Variants in NXPE2 observed in about 807,000 individuals in gnomAD.
NXPE2 encodes NXPE family member 2.
In NXPE2, 34 loss-of-function variants were observed where a neutral mutation model predicts 34.4. The ratio of observed to expected loss-of-function variants is 0.99; its 90% CI spans 0.75 to 1.31. The LOEUF is 1.31. Among genes scored for constraint, NXPE2 ranks in the 40% most tolerant of loss-of-function variants. The pLI is 0.00. For missense variants in NXPE2, 649 were observed against 672.5 expected, an observed-to-expected ratio of 0.97 and a Z score of 0.39; for synonymous variants, 235 against 231.3, an observed-to-expected ratio of 1.02 and a Z score of -0.15.
At chr11:114,520,653 G>A in the NXPE2 span, among the ~76,000 whole-genome samples, 1 of 152,114 alleles carries the variant, frequency 6.6e-6, no homozygotes, top group Non-Finnish European at 1.5e-5. Context: ...GGGTCATATG[G>A]TAGTTCTGTT....
the NXPE2 span, among the ~76,000 whole-genome samples, chr11:114,475,260 T>TTC: frequency 1.9e-5 from 2 of 102,756 alleles, no homozygotes; most frequent in African/African-American, 8.3e-5. Flanking sequence ...TTTTTTTTTT[T>TTC]TGAGATGGAG....
chr11:114,714,002 C>A, the NXPE2 span, among the ~76,000 whole-genome samples: 2 of 152,366 alleles, frequency 1.3e-5, no homozygotes, highest in Non-Finnish European at 2.9e-5. Flanking sequence ...GCATATAAAT[C>A]ATTTCCATCT....
chr11:114,538,793 G>T, the NXPE2 span, among the ~76,000 whole-genome samples: 1 of 152,086 alleles, frequency 6.6e-6, no homozygotes, highest in African/African-American at 2.4e-5. Context: ...AACAGGTGCT[G>T]GAGAGGATGT....
At chr11:114,718,539 A>G in the NXPE2 span, among the ~76,000 whole-genome samples, 1 of 152,194 alleles carries the variant, frequency 6.6e-6, no homozygotes, top group Non-Finnish European at 1.5e-5. Context: ...AATTCATTGC[A>G]ACTAAATATT....
At chr11:114,719,934 C>T in the NXPE2 span, among the ~76,000 whole-genome samples, 2 of 152,208 alleles carry the variant, frequency 1.3e-5, no homozygotes, top group South Asian at 4.1e-4. Flanking sequence ...TCTTTCAAAC[C>T]CAGCTCAAGT....
chr11:114,476,384 C>G, the NXPE2 span, among the ~76,000 whole-genome samples: 1 of 152,142 alleles, frequency 6.6e-6, no homozygotes, highest in Admixed American at 6.5e-5. Context: ...TACCTTTGTT[C>G]CTCTCTCCAC....
chr11:114,630,446 G>A, the NXPE2 span, among the ~76,000 whole-genome samples: 1 of 151,712 alleles, frequency 6.6e-6, no homozygotes, highest in Admixed American at 6.6e-5. Context: ...TTAATAAATG[G>A]TGCTGGGAAA....
intron 3 of NXPE2, among the ~76,000 whole-genome samples, chr11:114,703,099 G>T (rs1453763739): frequency 1.3e-5 from 2 of 152,134 alleles, no homozygotes; most frequent in African/African-American, 4.8e-5. Context: ...ATATTGACTT[G>T]ATTCCTATCT....
the NXPE2 span, chr11:114,583,486 C>A: frequency 3.1e-6 from 2 of 640,048 alleles, no homozygotes. Context: ...TCTTGTGCTC[C>A]ATCTATCCAG....
the NXPE2 span, among the ~76,000 whole-genome samples, chr11:114,656,721 A>G: frequency 6.6e-6 from 1 of 152,170 alleles, no homozygotes; most frequent in Non-Finnish European, 1.5e-5. Flanking sequence ...TCATGAAATT[A>G]ATTATATGAA....
At chr11:114,536,690 G>A in the NXPE2 span, among the ~76,000 whole-genome samples, 2 of 152,120 alleles carry the variant, frequency 1.3e-5, no homozygotes, top group South Asian at 4.1e-4. Context: ...AGAAGAAATG[G>A]ATAAATTCCT....
At chr11:114,644,623 A>G in the NXPE2 span, among the ~76,000 whole-genome samples, 1 of 152,200 alleles carries the variant, frequency 6.6e-6, no homozygotes, top group Non-Finnish European at 1.5e-5. Flanking sequence ...AGGACATGAA[A>G]GAAGGCATGA....
the NXPE2 span, among the ~76,000 whole-genome samples, chr11:114,557,874 C>T: frequency 5.9e-5 from 9 of 151,598 alleles, no homozygotes; most frequent in South Asian, 4.2e-4. Flanking sequence ...GTTTCTTTTG[C>T]GGGCTATACA....
chr11:114,773,288 C>CCCCCCCCCG, the NXPE2 span, among the ~76,000 whole-genome samples: 8 of 95,870 alleles, frequency 8.3e-5, no homozygotes, highest in Non-Finnish European at 1.3e-4. Context: ...CACCCCCCCC[C>CCCCCCCCCG]CACCCCATTC....
At chr11:114,637,386 C>T in the NXPE2 span, among the ~76,000 whole-genome samples, 1 of 152,052 alleles carries the variant, frequency 6.6e-6, no homozygotes, top group African/African-American at 2.4e-5. Flanking sequence ...TTCCTGAATA[C>T]AGCACACTAA....
chr11:114,624,845 G>C, the NXPE2 span, among the ~76,000 whole-genome samples: 1 of 152,088 alleles, frequency 6.6e-6, no homozygotes, highest in Admixed American at 6.5e-5. Flanking sequence ...TTACCTGGTG[G>C]ATAATAAGTA....
the NXPE2 span, among the ~76,000 whole-genome samples, chr11:114,802,108 T>A: frequency 2.0e-5 from 3 of 152,018 alleles, no homozygotes; most frequent in Non-Finnish European, 4.4e-5. Flanking sequence ...GATTTAAACG[T>A]CATTTAGAAG....
the NXPE2 span, among the ~76,000 whole-genome samples, chr11:114,717,487 C>T: frequency 6.6e-6 from 1 of 152,186 alleles, no homozygotes; most frequent in South Asian, 2.1e-4. Context: ...AAGTATCTGA[C>T]ATGGTGGAAA....
the NXPE2 span, among the ~76,000 whole-genome samples, chr11:114,748,068 T>G: frequency 1.3e-5 from 2 of 152,204 alleles, no homozygotes; most frequent in African/African-American, 4.8e-5. Flanking sequence ...GTGTTTGTCT[T>G]TCTGTGCCTG....
Sources: gnomAD v4.1 joint callset for allele counts (sites outside exome capture counted in the v4.1 genomes callset) on GRCh38, gnomAD v4.1.1 for gene constraint, MANE v1.5 for transcripts, NCBI Gene and HGNC (gene_info 2026-07-23, HGNC 2026-07-21) for gene names.